The following ASAP1 variants were observed in gnomAD, a reference collection of about 807,000 sequenced individuals.
ASAP1 encodes ArfGAP with SH3 domain, ankyrin repeat and PH domain 1.
Under a neutral mutation model 145.2 loss-of-function variants are expected in ASAP1, and 43 were observed. The observed-to-expected ratio is 0.30, with a 90% CI of 0.23 to 0.38. The LOEUF is 0.38. Among genes scored for constraint, ASAP1 ranks in the 10% least tolerant of loss-of-function variants. The pLI is 1.00. For synonymous variants in ASAP1, 546 were observed against 515.5 expected (o/e 1.06, Z -0.80); for missense variants, 1,018 against 1,355.3 (o/e 0.75, Z 3.91).
At chr8:130,218,654 G>A (rs1288885053) in intron 4 of ASAP1, among the ~76,000 whole-genome samples, 1 of 152,066 alleles carries the variant, frequency 6.6e-6, no homozygotes, top group Non-Finnish European at 1.5e-5. Flanking sequence ...AACCTTCTGT[G>A]ACCCAAATCC....
intron 3 of ASAP1, among the ~76,000 whole-genome samples, chr8:130,315,161 C>T (rs2137586761): frequency 6.6e-6 from 1 of 152,182 alleles, no homozygotes. Flanking sequence ...ATCAATTGGG[C>T]AGGGAGAGTT....
chr8:130,252,830 T>C (rs1192946537), intron 3 of ASAP1, among the ~76,000 whole-genome samples: 1 of 152,166 alleles, frequency 6.6e-6, no homozygotes, highest in African/African-American at 2.4e-5. Flanking sequence ...ACCACTTCCA[T>C]GTTACAACAC....
intron 3 of ASAP1, among the ~76,000 whole-genome samples, chr8:130,295,710 G>A (rs947750445): frequency 1.3e-5 from 2 of 152,108 alleles, no homozygotes; most frequent in African/African-American, 4.8e-5. Flanking sequence ...ACTTAATGCT[G>A]GGCTCTAACT....
intron 3 of ASAP1, among the ~76,000 whole-genome samples, chr8:130,345,810 A>G (rs2137980548): frequency 6.6e-6 from 1 of 152,372 alleles, no homozygotes; most frequent in African/African-American, 2.4e-5. Flanking sequence ...TACTCAGTAC[A>G]GAGCTGGTAC....
At chr8:130,241,067 G>A (rs1818496946) in intron 3 of ASAP1, among the ~76,000 whole-genome samples, 1 of 152,120 alleles carries the variant, frequency 6.6e-6, no homozygotes, top group Admixed American at 6.6e-5. Flanking sequence ...AGTCACAGCA[G>A]AGTGTAAGAG....
At chr8:130,393,387 C>T (rs951733285) in intron 2 of ASAP1, among the ~76,000 whole-genome samples, 1 of 152,106 alleles carries the variant, frequency 6.6e-6, no homozygotes, top group African/African-American at 2.4e-5. Context: ...TGGAATACTC[C>T]CACAAACAAG....
chr8:130,061,083 CA>C lies in ASAP1; in HGVS notation c.2702-15del. On this transcript the variant is annotated splice_polypyrimidine_tract_variant and intron_variant, in intron 27 of 29. Transcript: ENST00000518721. ...TCCTTAGTGCCACTGTGGAAGCAAT[CA>C]AAAACAAGGAGGTCATTGGTGGGAA... The C allele has an allele frequency of 6.6e-7, 1 of 1,520,224 alleles. No homozygotes were observed. Among genetic ancestry groups the C allele is most frequent in the Non-Finnish European group, 8.8e-7 (1 of 1,137,358 alleles). 94.2% of individuals were successfully genotyped at this position (1,520,224 alleles called of 1,614,324 possible).
chr8:130,152,118 G>A (rs1390448059), intron 13 of ASAP1, among the ~76,000 whole-genome samples: 2 of 152,148 alleles, frequency 1.3e-5, no homozygotes, highest in Non-Finnish European at 2.9e-5. Context: ...TATTCTGCTG[G>A]CAATTCATTG....
At chr8:130,070,936 AG>A (rs2097443731) in intron 27 of ASAP1, among the ~76,000 whole-genome samples, 1 of 21,408 alleles carries the variant, frequency 4.7e-5, no homozygotes, top group Non-Finnish European at 7.7e-5. Flanking sequence ...GGGGAGAGAG[AG>A]GGGGAGAGAG....
intron 8 of ASAP1, among the ~76,000 whole-genome samples, chr8:130,179,986 TGA>T (rs938653472): frequency 2.7e-5 from 3 of 110,356 alleles, no homozygotes; most frequent in Non-Finnish European, 3.8e-5. Flanking sequence ...AGAAAGAGAA[TGA>T]GAGAGAGAGA....
At chr8:130,197,255 C>T (rs1417127681) in intron 5 of ASAP1, among the ~76,000 whole-genome samples, 2 of 152,210 alleles carry the variant, frequency 1.3e-5, no homozygotes, top group Admixed American at 6.5e-5. Context: ...TGGTGAAACC[C>T]TCATCTCTAC....
At chr8:130,298,146 G>C (rs1313739557) in intron 3 of ASAP1, among the ~76,000 whole-genome samples, 1 of 152,212 alleles carries the variant, frequency 6.6e-6, no homozygotes, top group African/African-American at 2.4e-5. Context: ...CAAATAGCTA[G>C]TTGACAAGTA....
chr8:130,074,484 C>CAG lies in ASAP1; in HGVS notation c.2701+1863_2701+1864insCT, dbSNP rs1239217956. Among the ~76,000 whole-genome samples the CAG allele has an allele frequency of 9.5e-3, 1,297 of 136,354 alleles. 10 individuals carry two copies. The highest frequency in any genetic ancestry group is 0.016 in the Middle Eastern group (4 of 250). 89.5% of individuals were successfully genotyped at this position (136,354 alleles called of 152,430 possible). A position where few individuals can be genotyped will look rare whatever the true frequency, so the allele number is the denominator to read the frequency against. On this transcript the variant is annotated intron_variant, in intron 27 of 29. Transcript: ENST00000518721. ...ACACACACACACACACACACACACACACAGAGAGAACGAGAGTAGAGCAAC... is the reference window on the plus strand; with the variant it reads ...ACACACACACACACACACACACACACAGACAGAGAGAACGAGAGTAGAGCAAC...
At chr8:130,392,605 A>G (rs1164150710) in intron 2 of ASAP1, among the ~76,000 whole-genome samples, 1 of 152,242 alleles carries the variant, frequency 6.6e-6, no homozygotes, top group Non-Finnish European at 1.5e-5. Context: ...TGAGTGTCTC[A>G]GTCCATTTGT....
intron 3 of ASAP1, among the ~76,000 whole-genome samples, chr8:130,301,821 T>C (rs1318577459): frequency 2.0e-5 from 3 of 152,232 alleles, no homozygotes; most frequent in Admixed American, 6.5e-5. Context: ...AGAGTATCTA[T>C]TCGTAGATTT....
At chr8:130,088,253 C>G (rs2097498059) in intron 25 of ASAP1, among the ~76,000 whole-genome samples, 1 of 152,178 alleles carries the variant, frequency 6.6e-6, no homozygotes, top group Admixed American at 6.5e-5. Context: ...GTCTTAGCCT[C>G]CCGAGTAGCT....
Position 130,168,941 on chromosome 8 carries a change from A to C in ASAP1, c.822+51T>G, listed in dbSNP as rs142002841. ...CTAATACAGATTTCAAATTTACTGA[A>C]ACTTATCCATGAAAGCAAGTTAAAC... On this transcript the variant is annotated intron_variant, in intron 10 of 29. Transcript: ENST00000518721. 9.0e-6 allele frequency: 10 copies of C among 1,110,734 alleles called. No individual in the cohort carries two copies. In the East Asian group the frequency reaches 1.9e-4, roughly 21 times the overall value. The allele number at this position is 1,110,734 out of a possible 1,614,324, so 68.8% of individuals were successfully genotyped here.
rs1158253279 is a variant in ASAP1 at position 130,210,673 on chromosome 8, G to A, written c.405+3883C>T. Among the ~76,000 whole-genome samples the A allele has an allele frequency of 3.3e-5, 5 of 152,108 alleles. No individual in the cohort carries two copies. In the East Asian group the frequency reaches 9.6e-4, roughly 29 times the overall value. On this transcript the variant is annotated intron_variant, in intron 5 of 29. Transcript: ENST00000518721. ...TTTACCATCCACATAATCCATCAAG[G>A]CAATGTAATTCGTGGGGCAGCATCA...
intron 3 of ASAP1, among the ~76,000 whole-genome samples, chr8:130,331,607 C>T (rs1289216702): frequency 6.6e-6 from 1 of 152,094 alleles, no homozygotes; most frequent in Admixed American, 6.6e-5. Flanking sequence ...AAAAATAGGA[C>T]GTCCACCCAC....
Sources: allele counts gnomAD v4.1 joint callset (sites outside exome capture counted in the v4.1 genomes callset), GRCh38; gene constraint gnomAD v4.1.1; transcripts MANE v1.5; gene names NCBI Gene and HGNC (gene_info 2026-07-23, HGNC 2026-07-21).